Variants in SLC5A11 observed in about 807,000 individuals in gnomAD.
SLC5A11 encodes solute carrier family 5 member 11.
In SLC5A11, 48 loss-of-function variants were observed where a neutral mutation model predicts 69.8. The ratio of observed to expected loss-of-function variants is 0.69; its 90% CI spans 0.55 to 0.87. SLC5A11 has a LOEUF of 0.87. Ranked by LOEUF, SLC5A11 falls within the 40% of genes least tolerant of loss-of-function variation. The pLI is 0.00. For missense variants in SLC5A11, 784 were observed against 866.1 expected, an observed-to-expected ratio of 0.91 and a Z score of 1.19; for synonymous variants, 319 against 342.4, an observed-to-expected ratio of 0.93 and a Z score of 0.75.
At chr16:24,885,288 A>AC (rs1555528058) in intron 8 of SLC5A11, among the ~76,000 whole-genome samples, 1 of 151,414 alleles carries the variant, frequency 6.6e-6, no homozygotes, top group African/African-American at 2.4e-5. Context: ...ATTATTGTTA[A>AC]GCGGGGGACA....
intron 10 of SLC5A11, 44 bp from the exon 12 acceptor site, chr16:24,906,613 T>C: frequency 7.2e-7 from 1 of 1,391,174 alleles, no homozygotes; most frequent in East Asian, 2.3e-5. Flanking sequence ...CCTGGGGCTC[T>C]GGGGGCCTGA....
chr16:24,889,543 ATTTTTTTTTTTTT>A (rs71156454), intron 8 of SLC5A11, among the ~76,000 whole-genome samples: 1 of 74,346 alleles, frequency 1.3e-5, no homozygotes, highest in South Asian at 6.6e-4. Flanking sequence ...AGGTCTTACA[ATTTTTTTTTTTTT>A]TTTTTTTTTT....
chr16:24,863,503 C>T (rs1261777812), intron 3 of SLC5A11, among the ~76,000 whole-genome samples: 1 of 152,086 alleles, frequency 6.6e-6, no homozygotes, highest in Non-Finnish European at 1.5e-5. Flanking sequence ...GTCACTTCTA[C>T]CACATTCTGT....
chr16:24,905,640 G>GCGCACACACA (rs1443035551), intron 10 of SLC5A11, among the ~76,000 whole-genome samples: 26 of 136,780 alleles, frequency 1.9e-4, no homozygotes, highest in African/African-American at 5.9e-4. Context: ...GCGCGCGCGC[G>GCGCACACACA]CACACACACA....
At chr16:24,846,002 T>G (rs2058994817) in exon 1 of SLC5A11, 1 of 152,376 alleles carries the variant, frequency 6.6e-6, no homozygotes, top group Non-Finnish European at 1.5e-5. Context: ...GGCGGGACAG[T>G]GGAAGACTGG....
intron 2 of SLC5A11, among the ~76,000 whole-genome samples, chr16:24,860,891 T>G (rs1420777131): frequency 6.6e-6 from 1 of 152,014 alleles, no homozygotes; most frequent in South Asian, 2.1e-4. Flanking sequence ...GTATTTTTAG[T>G]AGAGATGGGG....
At chr16:24,860,547 T>C (rs1038257020) in intron 2 of SLC5A11, among the ~76,000 whole-genome samples, 2 of 117,576 alleles carry the variant, frequency 1.7e-5, no homozygotes, top group African/African-American at 7.7e-5. Flanking sequence ...TATTAAAGAA[T>C]ATATGCATTT....
chr16:24,856,945 T>C (rs1374164968), intron 1 of SLC5A11, among the ~76,000 whole-genome samples: 1 of 151,962 alleles, frequency 6.6e-6, no homozygotes, highest in Non-Finnish European at 1.5e-5. Context: ...CTCAGCCTCC[T>C]GAGTAGCTGG....
chr16:24,890,086 G>A (rs188579079), intron 8 of SLC5A11, among the ~76,000 whole-genome samples: 2 of 152,246 alleles, frequency 1.3e-5, no homozygotes, highest in Admixed American at 1.3e-4. Flanking sequence ...ACACAGGGGA[G>A]AATTACAGAG....
At chr16:24,882,677 G>T (rs771440542) in intron 7 of SLC5A11, among the ~76,000 whole-genome samples, 1 of 152,106 alleles carries the variant, frequency 6.6e-6, no homozygotes, top group Non-Finnish European at 1.5e-5. Flanking sequence ...ATGGAGTCTC[G>T]CTCTGTTGCC....
chr16:24,868,015 T>G (rs1306982081), intron 3 of SLC5A11, among the ~76,000 whole-genome samples: 1 of 151,394 alleles, frequency 6.6e-6, no homozygotes, highest in Non-Finnish European at 1.5e-5. Flanking sequence ...CATGTGCTTG[T>G]AATCCCGGCT....
intron 1 of SLC5A11, among the ~76,000 whole-genome samples, chr16:24,851,296 T>A (rs898385679): frequency 6.6e-6 from 1 of 150,824 alleles, no homozygotes; most frequent in African/African-American, 2.4e-5. Flanking sequence ...GCGGATCACC[T>A]GAGGTCAGGA....
At chr16:24,850,502 C>G (rs1341773539) in intron 1 of SLC5A11, among the ~76,000 whole-genome samples, 2 of 152,188 alleles carry the variant, frequency 1.3e-5, no homozygotes, top group Admixed American at 6.5e-5. Flanking sequence ...CCACTGCAGC[C>G]CAGGAGTGGT....
chr16:24,890,505 AAAAAAAAAAAGAAGG>A (rs1567655825), intron 8 of SLC5A11, among the ~76,000 whole-genome samples: 1 of 57,672 alleles, frequency 1.7e-5, no homozygotes, highest in African/African-American at 5.7e-5. Flanking sequence ...AAAAAAAAAA[AAAAAAAAAAAGAAGG>A]AAGGAAGGAA....
At chr16:24,858,670 G>C in exon 2 of SLC5A11, 1 of 1,610,852 alleles carries the variant, frequency 6.2e-7, no homozygotes, top group Non-Finnish European at 8.5e-7. Flanking sequence ...GCAGCCCTCA[G>C]CCTCCACAGT....
chr16:24,873,886 G>T (rs1305974230), intron 5 of SLC5A11, among the ~76,000 whole-genome samples: 1 of 150,160 alleles, frequency 6.7e-6, no homozygotes, highest in Non-Finnish European at 1.5e-5. Flanking sequence ...AGTTGCAGTG[G>T]CATGATCTCA....
intron 14 of SLC5A11, 86 bp downstream of exon 15, chr16:24,909,182 A>T (rs1304523368): frequency 1.4e-6 from 2 of 1,407,934 alleles, no homozygotes; most frequent in Non-Finnish European, 2.0e-6. Flanking sequence ...AGCGAAGGAG[A>T]CTGATTGTCC....
chr16:24,848,720 C>T (rs2059134970), intron 1 of SLC5A11, among the ~76,000 whole-genome samples: 2 of 152,094 alleles, frequency 1.3e-5, no homozygotes, highest in Non-Finnish European at 2.9e-5. Context: ...TTTGAGGCCA[C>T]AGTGAGCTCT....
intron 1 of SLC5A11, among the ~76,000 whole-genome samples, chr16:24,855,572 G>C (rs2059493570): frequency 6.6e-6 from 1 of 151,972 alleles, no homozygotes; most frequent in Non-Finnish European, 1.5e-5. Flanking sequence ...CTGTACTCCA[G>C]CCTGAGTAAC....
Sources: allele counts gnomAD v4.1 joint callset (sites outside exome capture counted in the v4.1 genomes callset), GRCh38; gene constraint gnomAD v4.1.1; transcripts MANE v1.5; gene names NCBI Gene and HGNC (gene_info 2026-07-23, HGNC 2026-07-21).